The following PPP2R2B variants were observed in gnomAD, a reference collection of about 807,000 sequenced individuals.
PPP2R2B encodes the protein protein phosphatase 2 regulatory subunit Bbeta, also known as serine/threonine-protein phosphatase 2A 55 kDa regulatory subunit B beta isoform.
In PPP2R2B, 5 loss-of-function variants were observed where a neutral mutation model predicts 46.0. The observed-to-expected ratio is 0.11, with a 90% CI of 0.06 to 0.23. PPP2R2B has a LOEUF of 0.23. Among genes scored for constraint, PPP2R2B ranks in the 10% least tolerant of loss-of-function variants. PPP2R2B has a pLI of 1.00. For synonymous variants in PPP2R2B, 215 were observed against 206.7 expected (o/e 1.04, Z -0.34); for missense variants, 367 against 575.0 (o/e 0.64, Z 3.70).
chr5:147,000,060 C>G (rs1157878658), intron 1 of PPP2R2B, among the ~76,000 whole-genome samples: 1 of 152,152 alleles, frequency 6.6e-6, no homozygotes, highest in Non-Finnish European at 1.5e-5. Flanking sequence ...GACACCAAGG[C>G]TGTGATGATG....
intron 1 of PPP2R2B, among the ~76,000 whole-genome samples, chr5:146,938,627 G>C (rs965876975): frequency 2.0e-5 from 3 of 151,844 alleles, no homozygotes; most frequent in African/African-American, 7.3e-5. Context: ...TGTTTACATA[G>C]GAATTAAAAT....
At chr5:146,766,276 G>C (rs1043640685) in intron 2 of PPP2R2B, among the ~76,000 whole-genome samples, 1 of 151,988 alleles carries the variant, frequency 6.6e-6, no homozygotes, top group African/African-American at 2.4e-5. Context: ...ATTTATTCCA[G>C]TATTTTTAGG....
chr5:146,968,043 G>A lies in PPP2R2B; in HGVS notation c.79+87622C>T, dbSNP rs1029323345. On this transcript the variant is annotated intron_variant, in intron 1 of 8. Coordinates refer to the PPP2R2B transcript ENST00000336640. ...AATCTAGAACAATCTTGCCAATTACGTGTTAATTGAAAGTTATGTAGAGGC... is the reference window on the plus strand; with the variant it reads ...AATCTAGAACAATCTTGCCAATTACATGTTAATTGAAAGTTATGTAGAGGC... Among the ~76,000 whole-genome samples the A allele has an allele frequency of 3.3e-5, 5 of 152,234 alleles. No individual in the cohort carries two copies. In the South Asian group the frequency reaches 8.3e-4, roughly 25 times the overall value.
At position 146,580,949 on chromosome 5, in the gene PPP2R2B, G is replaced by A. The variant is rs1309850627; in HGVS notation, c.*8998C>T. Among the ~76,000 whole-genome samples, 1 of 151,890 alleles carries A rather than the reference G, an allele frequency of 6.6e-6. No homozygotes were observed. Among genetic ancestry groups the A allele is most frequent in the Admixed American group, 6.6e-5 (1 of 15,238 alleles). ...GAAATGGTATTTCATTTTGTACTTT[G>A]AAAAAATCAGCTTTTTGAGCTGAAC... On this transcript the variant is annotated 3_prime_UTR_variant, in exon 10 of 10. Transcript: ENST00000394411.
At chr5:147,013,058 A>G (rs1321232523) in intron 1 of PPP2R2B, among the ~76,000 whole-genome samples, 22 of 151,072 alleles carry the variant, frequency 1.5e-4, no homozygotes, top group Admixed American at 2.0e-4. Context: ...AAATCAACGT[A>G]CAAAAATCAC....
chr5:146,678,327 T>C (rs1777889849), intron 5 of PPP2R2B, among the ~76,000 whole-genome samples: 1 of 149,898 alleles, frequency 6.7e-6, no homozygotes. Flanking sequence ...AAAAAGCCTT[T>C]GACAAAATTC....
At chr5:146,787,397 T>A (rs985543928) in intron 2 of PPP2R2B, among the ~76,000 whole-genome samples, 10 of 152,218 alleles carry the variant, frequency 6.6e-5, no homozygotes, top group African/African-American at 2.4e-4. Context: ...TGTATGTTTT[T>A]CAAATGTTGG....
At chr5:146,889,634 A>G (rs1468281250) in intron 1 of PPP2R2B, among the ~76,000 whole-genome samples, 2 of 152,134 alleles carry the variant, frequency 1.3e-5, no homozygotes, top group South Asian at 2.1e-4. Context: ...GCTTTGCCTT[A>G]TGCATCTCTT....
chr5:147,022,430 A>G (rs1181520213), intron 1 of PPP2R2B, among the ~76,000 whole-genome samples: 2 of 151,762 alleles, frequency 1.3e-5, no homozygotes, highest in Non-Finnish European at 2.9e-5. Context: ...GTGTGGTAGC[A>G]TGCACCTTAG....
At chr5:146,824,081 T>C (rs961939528) in intron 2 of PPP2R2B, among the ~76,000 whole-genome samples, 2 of 152,184 alleles carry the variant, frequency 1.3e-5, no homozygotes, top group African/African-American at 4.8e-5. Flanking sequence ...AAGCCACAAA[T>C]TCCCCTCTAT....
At position 146,808,285 on chromosome 5, in the gene PPP2R2B, A is replaced by T. The variant is rs138385741; in HGVS notation, c.70+69717T>A. On this transcript the variant is annotated intron_variant, in intron 2 of 9. Transcript: ENST00000394411. ...GCACTAGATGACATTTCAAGGGCTCAACAGTCACATGTGCCTAGCGGCTAC... is the reference window on the plus strand; with the variant it reads ...GCACTAGATGACATTTCAAGGGCTCTACAGTCACATGTGCCTAGCGGCTAC... Among the ~76,000 whole-genome samples the T allele has an allele frequency of 4.1e-3, 621 of 152,320 alleles. 9 individuals carry two copies. Among genetic ancestry groups the T allele is most frequent in the African/African-American group, 0.014 (589 of 41,572 alleles).
chr5:146,594,402 G>C (rs1190174206), intron 8 of PPP2R2B, among the ~76,000 whole-genome samples: 1 of 152,218 alleles, frequency 6.6e-6, no homozygotes, highest in Admixed American at 6.5e-5. Context: ...CTCAGCTGTA[G>C]ATGCCAAATA....
chr5:147,079,891 A>T lies in PPP2R2B; in HGVS notation c.50+1168T>A, dbSNP rs996377360. On this transcript the variant is annotated intron_variant, in intron 2 of 10. Transcript: ENST00000394413. ...ATATGAGGTAATGGATATGCTAATC[A>T]TCTTGGTTTGATATCATTACACAAT... 9.8e-5 allele frequency among the ~76,000 whole-genome samples: 15 copies of T among 152,324 alleles called. No homozygotes were observed. The South Asian group carries it at 1.7e-3, about 17-fold the overall frequency.
intron 2 of PPP2R2B, among the ~76,000 whole-genome samples, chr5:146,727,476 A>G (rs1202175791): frequency 6.6e-6 from 1 of 152,094 alleles, no homozygotes; most frequent in Non-Finnish European, 1.5e-5. Flanking sequence ...AATATTTTCA[A>G]ATCTACTCTT....
chr5:146,695,036 A>C (rs1489324803), intron 4 of PPP2R2B, among the ~76,000 whole-genome samples: 1 of 152,064 alleles, frequency 6.6e-6, no homozygotes, highest in East Asian at 1.9e-4. Context: ...TTACTAGTAA[A>C]CTAAAGAAGA....
At chr5:147,006,556 C>T (rs1292627983) in intron 1 of PPP2R2B, among the ~76,000 whole-genome samples, 1 of 152,154 alleles carries the variant, frequency 6.6e-6, no homozygotes, top group African/African-American at 2.4e-5. Context: ...ATGGCTACTG[C>T]TACAGAAACC....
At chr5:146,739,788 A>G (rs1250598379) in intron 2 of PPP2R2B, among the ~76,000 whole-genome samples, 1 of 152,136 alleles carries the variant, frequency 6.6e-6, no homozygotes, top group African/African-American at 2.4e-5. Context: ...AAGGGCTCCT[A>G]TGTTTCTCTT....
At chr5:146,654,532 G>A (rs755718635) in intron 5 of PPP2R2B, among the ~76,000 whole-genome samples, 53 of 152,310 alleles carry the variant, frequency 3.5e-4, no homozygotes, top group Non-Finnish European at 5.7e-4. Context: ...TTGCCTTAGA[G>A]CCTCTTCCTA....
At chr5:146,884,870 T>C (rs1453545988) in intron 1 of PPP2R2B, among the ~76,000 whole-genome samples, 1 of 152,198 alleles carries the variant, frequency 6.6e-6, no homozygotes, top group Non-Finnish European at 1.5e-5. Flanking sequence ...AGAATAACTA[T>C]TGGGAAATGT....
Sources: allele counts gnomAD v4.1 joint callset (sites outside exome capture counted in the v4.1 genomes callset), GRCh38; gene constraint gnomAD v4.1.1; transcripts MANE v1.5; gene names NCBI Gene and HGNC (gene_info 2026-07-23, HGNC 2026-07-21).